Variants in MAP2K2 observed in about 807,000 individuals in gnomAD.
MAP2K2 encodes the protein dual specificity mitogen-activated protein kinase kinase 2.
In MAP2K2, 24 loss-of-function variants were observed where a neutral mutation model predicts 43.7. The ratio of observed to expected loss-of-function variants is 0.55; its 90% CI spans 0.40 to 0.77. MAP2K2 has a LOEUF of 0.77. Ranked by LOEUF, MAP2K2 falls within the 30% of genes least tolerant of loss-of-function variation. The pLI, the probability that MAP2K2 is intolerant of heterozygous loss-of-function variation, is 0.00. For synonymous variants in MAP2K2, 244 were observed against 239.7 expected, an observed-to-expected ratio of 1.02 and a Z score of -0.17; for missense variants, 470 against 566.8, an observed-to-expected ratio of 0.83 and a Z score of 1.73.
chr19:4,102,400 C>T lies in MAP2K2; in HGVS notation c.504G>A (p.Glu168=). Residue 168 remains glutamate, a synonymous_variant, in exon 4 of 11, where the codon GAG becomes GAA. Transcript: ENST00000262948. The part of the protein sequence containing the change: ...VLKEAKRIPE[E]ILGKVSIAVL... ...CCGCGATGCTGACTTTCCCCAGGATCTCCTCGGGAATCCTCTTGGCCTCTT... is the reference window on the plus strand; with the variant it reads ...CCGCGATGCTGACTTTCCCCAGGATTTCCTCGGGAATCCTCTTGGCCTCTT... 1.9e-6 allele frequency: 3 copies of T among 1,605,322 alleles called. No homozygotes were observed. Among genetic ancestry groups the T allele is most frequent in the Non-Finnish European group, 1.7e-6 (2 of 1,176,864 alleles).
rs139111136 is a variant in MAP2K2, at chr19:4,112,989, C to T, written c.304-2334G>A. On this transcript the variant is annotated intron_variant, in intron 2 of 10. Coordinates refer to ENST00000262948, the MANE Select transcript of MAP2K2 (RefSeq NM_030662.4). The stretch of plus-strand genomic sequence containing the variant: ...GCGTGTTTTCCATGTTCAGCACGTC[C>T]GGACTGACCGCATTTTAAGAGCCCG... 2.7e-3 allele frequency among the ~76,000 whole-genome samples: 415 copies of T among 152,292 alleles called. 2 individuals carry two copies. Among genetic ancestry groups the T allele is most frequent in the African/African-American group, 9.7e-3 (402 of 41,556 alleles).
intron 3 of MAP2K2, among the ~76,000 whole-genome samples, chr19:4,107,396 C>T (rs917601453): frequency 9.2e-5 from 14 of 151,866 alleles, no homozygotes; most frequent in Admixed American, 4.6e-4. Context: ...TGGTGGCGGG[C>T]GCCTGTAGTC....
chr19:4,090,444 G>C lies in MAP2K2; in HGVS notation c.*154C>G. On this transcript the variant is annotated 3_prime_UTR_variant, in exon 11 of 11. Transcript: ENST00000262948. ...AGGACGGGCAGGAGAGGAGACCCCC[G>C]TTCCTGCATGCGCTGTCGCCCCGCC... is the stretch of plus-strand genomic sequence containing the variant. 1.4e-6 allele frequency: 1 copy of C among 698,128 alleles called. No individual in the cohort carries two copies. Among genetic ancestry groups the C allele is most frequent in the Non-Finnish European group, 2.5e-6 (1 of 392,434 alleles). The allele number at this position is 698,128 out of a possible 1,614,324, so 43.2% of individuals were successfully genotyped here. A position where few individuals can be genotyped will look rare whatever the true frequency, so the allele number is the denominator to read the frequency against.
At chr19:4,118,718 A>G (rs350888) in intron 1 of MAP2K2, among the ~76,000 whole-genome samples, 118,407 of 152,202 alleles carry the variant, frequency 0.78, 46,174 homozygotes, top group East Asian at 0.92. Flanking sequence ...GGAGGTCGAG[A>G]CTGCAGTGAG....
intron 8 of MAP2K2, among the ~76,000 whole-genome samples, chr19:4,095,974 C>T (rs1262079424): frequency 6.6e-6 from 1 of 152,182 alleles, no homozygotes; most frequent in Non-Finnish European, 1.5e-5. Flanking sequence ...GGTATTTCAC[C>T]AGGTTGGCCA....
chr19:4,094,598 G>C, intron 9 of MAP2K2, 100 bp from the exon 10 acceptor site: 1 of 1,160,536 alleles, frequency 8.6e-7, no homozygotes, highest in Non-Finnish European at 1.3e-6. Flanking sequence ...CGTGGTCGGA[G>C]GGGGCCTGGA....
chr19:4,112,716 C>T (rs935007172), intron 2 of MAP2K2, among the ~76,000 whole-genome samples: 1 of 152,154 alleles, frequency 6.6e-6, no homozygotes, highest in Non-Finnish European at 1.5e-5. Flanking sequence ...CTCAGGCCAG[C>T]CTGCAGAATC....
At position 4,098,855 on chromosome 19, in the gene MAP2K2, G is replaced by A. The variant is rs552477745; in HGVS notation, c.919+346C>T. On this transcript the variant is annotated intron_variant, in intron 7 of 10. Transcript: ENST00000262948. Reference sequence around the variant, plus strand: ...TCACCTGCAGAATGCAGGCTCTGTGGCGGCCAATTCCTTCCACTTTTCTGT... The same window carrying A: ...TCACCTGCAGAATGCAGGCTCTGTGACGGCCAATTCCTTCCACTTTTCTGT... 1.3e-4 allele frequency among the ~76,000 whole-genome samples: 20 copies of A among 152,386 alleles called. No homozygotes were observed. The East Asian group carries it at 3.9e-3, about 29-fold the overall frequency.
At chr19:4,098,101 A>G (rs1396928638) in intron 7 of MAP2K2, among the ~76,000 whole-genome samples, 1 of 152,188 alleles carries the variant, frequency 6.6e-6, no homozygotes, top group East Asian at 1.9e-4. Context: ...CGTGTCATAA[A>G]ATACTACTCA....
chr19:4,118,272 C>A (rs1478417458), intron 1 of MAP2K2, among the ~76,000 whole-genome samples: 3 of 152,190 alleles, frequency 2.0e-5, no homozygotes, highest in East Asian at 3.9e-4. Flanking sequence ...AGCTCCGGAC[C>A]ATGTCGGGAG....
At chr19:4,095,010 C>A in intron 9 of MAP2K2, 1 of 358,590 alleles carries the variant, frequency 2.8e-6, no homozygotes, top group Non-Finnish European at 5.2e-6. Flanking sequence ...TGCTTGGGGG[C>A]AGGAGAATGG....
chr19:4,119,170 G>A (rs1033872586), intron 1 of MAP2K2, among the ~76,000 whole-genome samples: 16 of 152,028 alleles, frequency 1.1e-4, no homozygotes, highest in Admixed American at 6.6e-4. Context: ...TAGTAGCTAG[G>A]ATCACAGGTG....
At chr19:4,119,261 G>A (rs1013555985) in intron 1 of MAP2K2, among the ~76,000 whole-genome samples, 1 of 151,696 alleles carries the variant, frequency 6.6e-6, no homozygotes, top group Non-Finnish European at 1.5e-5. Context: ...TCATTCTGTC[G>A]CCCAGGCTGG....
At chr19:4,113,314 TCA>T (rs796145381) in intron 2 of MAP2K2, among the ~76,000 whole-genome samples, 3 of 152,228 alleles carry the variant, frequency 2.0e-5, no homozygotes, top group East Asian at 1.9e-4. Context: ...CGGCGTGATC[TCA>T]GTTTTAATGG....
chr19:4,110,475 GCCCTGCCCCTGC>G, intron 3 of MAP2K2, 22 bp downstream of exon 3: 1 of 1,610,266 alleles, frequency 6.2e-7, no homozygotes, highest in Non-Finnish European at 8.5e-7. Flanking sequence ...TTCCGTGGAG[GCCCTGCCCCTGC>G]CCCTGCCCCG....
At chr19:4,112,671 C>T (rs895091701) in intron 2 of MAP2K2, among the ~76,000 whole-genome samples, 96 of 151,658 alleles carry the variant, frequency 6.3e-4, no homozygotes, top group Non-Finnish European at 1.1e-3. Flanking sequence ...CCTGCCTGCC[C>T]GCCCCTGCCT....
At position 4,123,223 on chromosome 19, in the gene MAP2K2, G is replaced by C. The variant is rs989160280; in HGVS notation, c.92+561C>G. On this transcript the variant is annotated intron_variant, in intron 1 of 10. Transcript: ENST00000262948. ...CTCACTGCTTGGGGAGCCTCATCCT[G>C]TTCTCTCCTTGGGGACACCCCTCAT... 4.6e-5 allele frequency among the ~76,000 whole-genome samples: 7 copies of C among 150,554 alleles called. No individual in the cohort carries two copies. In the East Asian group the frequency reaches 1.4e-3, roughly 30 times the overall value.
chr19:4,100,689 C>G, intron 6 of MAP2K2: 1 of 416,880 alleles, frequency 2.4e-6, no homozygotes. Flanking sequence ...AAATAAAGAG[C>G]AAGGGGAATC....
chr19:4,095,207 C>T, intron 9 of MAP2K2, 181 bp downstream of exon 9: 3 of 598,060 alleles, frequency 5.0e-6, no homozygotes, highest in South Asian at 3.9e-5. Context: ...GGCATGGCAG[C>T]CGGGAGCTGC....
Sources: allele counts gnomAD v4.1 joint callset (sites outside exome capture counted in the v4.1 genomes callset), GRCh38; gene constraint gnomAD v4.1.1; transcripts MANE v1.5; gene names NCBI Gene and HGNC (gene_info 2026-07-23, HGNC 2026-07-21).